The following NECAB1 variants were observed in gnomAD, a reference collection of about 807,000 sequenced individuals.
NECAB1 encodes the protein N-terminal EF-hand calcium binding protein 1.
A neutral mutation model predicts 57.5 loss-of-function variants in NECAB1; 29 were observed. The ratio of observed to expected loss-of-function variants is 0.50; its 90% CI spans 0.38 to 0.69. The LOEUF (loss-of-function observed/expected upper bound fraction) is 0.69. Ranked by LOEUF, NECAB1 falls within the 30% of genes least tolerant of loss-of-function variation. The probability of loss-of-function intolerance (pLI) is 0.00; values close to 1 mark genes in which losing one functional copy is unlikely to be tolerated. For missense variants in NECAB1, 372 were observed against 413.8 expected, an observed-to-expected ratio of 0.90 and a Z score of 0.88; for synonymous variants, 142 against 147.7, an observed-to-expected ratio of 0.96 and a Z score of 0.28.
At chr8:90,942,274 T>G (rs1810688659) in intron 10 of NECAB1, among the ~76,000 whole-genome samples, 1 of 152,164 alleles carries the variant, frequency 6.6e-6, no homozygotes, top group African/African-American at 2.4e-5. Flanking sequence ...TCCCATCCAC[T>G]GAAGACGTGA....
chr8:90,883,453 C>T (rs1040049497), intron 5 of NECAB1, among the ~76,000 whole-genome samples: 4 of 152,086 alleles, frequency 2.6e-5, no homozygotes, highest in African/African-American at 7.2e-5. Context: ...GATAAAAAGT[C>T]CTGTCTCAGT....
At chr8:90,901,282 T>C (rs1305420878) in intron 5 of NECAB1, among the ~76,000 whole-genome samples, 1 of 152,130 alleles carries the variant, frequency 6.6e-6, no homozygotes, top group Non-Finnish European at 1.5e-5. Flanking sequence ...GCCTTTTTGC[T>C]ACTCTCAGCT....
In NECAB1 at chr8:90,829,376, A is replaced by G. The variant is rs140563963; in HGVS notation, c.233+4551A>G. Among the ~76,000 whole-genome samples the G allele has an allele frequency of 1.1e-3, 168 of 152,110 alleles. 3 individuals carry two copies. The highest frequency in any genetic ancestry group is 4.7e-4 in the Non-Finnish European group (32 of 67,992). On this transcript the variant is annotated intron_variant, in intron 3 of 12. Transcript: ENST00000417640. ...ATTTTGCAGTTAGCTATAGGAAACT[A>G]TGATGAATTTAGCATAAATCCTTGT...
chr8:90,958,921 G>T lies in NECAB1; in HGVS notation c.*3409G>T. ...CAACCATCAAAATTAAGAATAAATT[G>T]AATTGTCACAGTCCATTACAGTTAT... is the stretch of plus-strand genomic sequence containing the variant. On this transcript the variant is annotated 3_prime_UTR_variant, in exon 13 of 13. Coordinates refer to ENST00000417640, the MANE Select transcript of NECAB1 (RefSeq NM_022351.5). 1 of 735,472 alleles carries T rather than the reference G, an allele frequency of 1.4e-6. No homozygotes were observed. Among genetic ancestry groups the T allele is most frequent in the South Asian group, 2.0e-5 (1 of 49,658 alleles). The allele number at this position is 735,472 out of a possible 1,614,324, so 45.6% of individuals were successfully genotyped here. A position where few individuals can be genotyped will look rare whatever the true frequency, so the allele number is the denominator to read the frequency against.
intron 9 of NECAB1, among the ~76,000 whole-genome samples, chr8:90,939,316 C>G (rs1270460868): frequency 6.6e-6 from 1 of 152,130 alleles, no homozygotes; most frequent in East Asian, 1.9e-4. Context: ...GAATTTGAAA[C>G]TGGTGCACTG....
At position 90,881,128 on chromosome 8, in the gene NECAB1, A is replaced by G; in HGVS notation, c.355A>G (p.Lys119Glu). Residue 119 changes from lysine to glutamate, a missense_variant and splice_region_variant, in exon 5 of 13, where the codon AAA (lysine) becomes GAA (glutamate). Transcript: ENST00000417640. ...SILKAMGKTK[K>E]DYQEASNLEQ... ...CCTGAAGGCAATGGGCAAAACAAAG[A>G]AAGTAAGAAAATGTTAATGTTTATT... 1 of 1,575,782 alleles carries G rather than the reference A, an allele frequency of 6.3e-7. No individual in the cohort carries two copies. Among genetic ancestry groups the G allele is most frequent in the Non-Finnish European group, 8.6e-7 (1 of 1,156,876 alleles).
At chr8:90,893,540 C>T (rs1481276449) in intron 5 of NECAB1, among the ~76,000 whole-genome samples, 1 of 152,106 alleles carries the variant, frequency 6.6e-6, no homozygotes, top group Admixed American at 6.6e-5. Flanking sequence ...AGATGGGTGT[C>T]CCTTCCAAGG....
intron 5 of NECAB1, among the ~76,000 whole-genome samples, chr8:90,896,248 A>G (rs1338992121): frequency 1.3e-5 from 2 of 152,236 alleles, no homozygotes; most frequent in African/African-American, 4.8e-5. Context: ...GTTTGAAAAG[A>G]AAGCTGTAAG....
At chr8:90,794,430 G>A (rs1811627001) in intron 1 of NECAB1, among the ~76,000 whole-genome samples, 1 of 152,060 alleles carries the variant, frequency 6.6e-6, no homozygotes, top group Admixed American at 6.6e-5. Flanking sequence ...AATTTTCTGT[G>A]TGTCTTCTGT....
chr8:90,917,548 A>T lies in NECAB1; in HGVS notation c.414A>T (p.Glu138Asp). The T allele has an allele frequency of 6.2e-7, 1 of 1,612,184 alleles. No homozygotes were observed. Among genetic ancestry groups the T allele is most frequent in the Non-Finnish European group, 8.5e-7 (1 of 1,178,842 alleles). ...EQFVTRFLLK[E>D]TLNQLQSLQN... ...TCGTAACTAGATTTTTATTGAAGGA[A>T]ACCCTGAATCAGCTGCAGTCTCTCC... Residue 138 changes from glutamate (E) to aspartate (D), a missense_variant, in exon 6 of 13, where the codon GAA (glutamate) becomes GAT (aspartate). Coordinates refer to ENST00000417640, the MANE Select transcript of NECAB1 (RefSeq NM_022351.5).
intron 1 of NECAB1, among the ~76,000 whole-genome samples, chr8:90,800,645 T>A (rs139008468): frequency 8.4e-4 from 128 of 152,304 alleles, no homozygotes; most frequent in Non-Finnish European, 1.2e-3. Flanking sequence ...AGGACACAAT[T>A]CAACCTACAA....
At chr8:90,928,359 TC>T in intron 8 of NECAB1, 60 bp downstream of exon 8, 1 of 1,296,126 alleles carries the variant, frequency 7.7e-7, no homozygotes, top group Non-Finnish European at 1.1e-6. Context: ...TACCTAATAT[TC>T]CCCATTGCTT....
chr8:90,859,051 A>ACACT (rs1812847552), intron 3 of NECAB1: 1 of 152,184 alleles, frequency 6.6e-6, no homozygotes, highest in Non-Finnish European at 1.5e-5. Flanking sequence ...CCCATAAAAG[A>ACACT]CACTCACCTT....
rs60959508 is a variant in NECAB1, at chr8:90,954,067, A to AAAATAAAT, written c.1031-1378_1031-1371dup. 5.4e-3 allele frequency among the ~76,000 whole-genome samples: 767 copies of AAAATAAAT among 142,638 alleles called. 2 individuals are homozygous for AAAATAAAT. Among genetic ancestry groups the AAAATAAAT allele is most frequent in the East Asian group, 8.2e-3 (40 of 4,888 alleles). 93.6% of individuals were successfully genotyped at this position (142,638 alleles called of 152,430 possible). A position where few individuals can be genotyped will look rare whatever the true frequency, so the allele number is the denominator to read the frequency against. The stretch of plus-strand genomic sequence containing the variant: ...CTGGGTGACAGAACGAGACTGTCTC[A>AAAATAAAT]AAATAAATAAATAAATAAATAAATA... On this transcript the variant is annotated intron_variant, in intron 12 of 12. Coordinates refer to ENST00000417640, the MANE Select transcript of NECAB1 (RefSeq NM_022351.5).
intron 1 of NECAB1, among the ~76,000 whole-genome samples, chr8:90,797,468 G>C (rs1172476217): frequency 6.6e-6 from 1 of 152,146 alleles, no homozygotes; most frequent in Admixed American, 6.5e-5. Context: ...CAGACAACTT[G>C]GGAATAAAAA....
At chr8:90,877,657 G>A (rs1348585870) in intron 4 of NECAB1, among the ~76,000 whole-genome samples, 2 of 152,142 alleles carry the variant, frequency 1.3e-5, no homozygotes, top group Non-Finnish European at 2.9e-5. Flanking sequence ...TAATGCTGCT[G>A]GTCCACAAAA....
intron 3 of NECAB1, among the ~76,000 whole-genome samples, chr8:90,869,358 C>T (rs1808578412): frequency 6.6e-6 from 1 of 152,182 alleles, no homozygotes; most frequent in Non-Finnish European, 1.5e-5. Flanking sequence ...CCATCATCGT[C>T]CAGACCCCAG....
intron 5 of NECAB1, among the ~76,000 whole-genome samples, chr8:90,909,507 C>T (rs1304822284): frequency 6.6e-6 from 1 of 152,038 alleles, no homozygotes; most frequent in African/African-American, 2.4e-5. Context: ...ACAATATTAC[C>T]TGAGTTTTAG....
intron 2 of NECAB1, among the ~76,000 whole-genome samples, chr8:90,803,817 C>T (rs1390253739): frequency 1.3e-5 from 2 of 152,168 alleles, no homozygotes; most frequent in South Asian, 2.1e-4. Flanking sequence ...CTGTGACCTC[C>T]GCCTCCTGTA....
Sources: allele counts gnomAD v4.1 joint callset (sites outside exome capture counted in the v4.1 genomes callset), GRCh38; gene constraint gnomAD v4.1.1; transcripts MANE v1.5; gene names NCBI Gene and HGNC (gene_info 2026-07-23, HGNC 2026-07-21).